The following DNAH11 variants were observed in gnomAD, a reference collection of about 807,000 sequenced individuals.
DNAH11 encodes the protein axonemal beta dynein heavy chain 11.
A neutral mutation model predicts 526.0 loss-of-function variants in DNAH11; 442 were observed. That is an observed-to-expected ratio of 0.84 (90% CI 0.78 to 0.91). DNAH11 has a LOEUF of 0.91. Ranked by LOEUF, DNAH11 falls within the 40% of genes least tolerant of loss-of-function variation. DNAH11 has a pLI of 0.00. For synonymous variants in DNAH11, 2,461 were observed against 1,935.9 expected, an observed-to-expected ratio of 1.27 and a Z score of -7.12; for missense variants, 6,989 against 5,448.7, an observed-to-expected ratio of 1.28 and a Z score of -8.90.
At chr7:21,702,673 T>C (rs750609748) in intron 36 of DNAH11, 37 bp from the exon 37 acceptor site, 2 of 1,575,890 alleles carry the variant, frequency 1.3e-6, no homozygotes, top group Admixed American at 1.7e-5. Context: ...TCTTCCCTCA[T>C]ACAATTTTTG....
intron 30 of DNAH11, among the ~76,000 whole-genome samples, chr7:21,667,043 T>C (rs1163781790): frequency 6.6e-6 from 1 of 152,136 alleles, no homozygotes; most frequent in Non-Finnish European, 1.5e-5. Context: ...ATTGCAATGG[T>C]AAGCCAATTT....
chr7:21,640,783 C>G (rs1787093410), intron 28 of DNAH11, among the ~76,000 whole-genome samples: 1 of 152,176 alleles, frequency 6.6e-6, no homozygotes, highest in Non-Finnish European at 1.5e-5. Flanking sequence ...ATTTCCATCT[C>G]ATCTCCATGT....
At chr7:21,624,110 A>G (rs921243976) in intron 25 of DNAH11, among the ~76,000 whole-genome samples, 1 of 152,108 alleles carries the variant, frequency 6.6e-6, no homozygotes, top group East Asian at 1.9e-4. Context: ...TTAAGTTGCA[A>G]CACATGAGCT....
At chr7:21,895,793 G>A (rs1459298509) in intron 79 of DNAH11, among the ~76,000 whole-genome samples, 6 of 152,078 alleles carry the variant, frequency 3.9e-5, no homozygotes, top group South Asian at 2.1e-4. Context: ...GCAGTGGCGC[G>A]ATCTCGGCTC....
chr7:21,600,052 G>C lies in DNAH11; in HGVS notation c.2933G>C (p.Cys978Ser). The part of the protein sequence containing the change: ...GFYDLVEEML[C>S]NSFRMSAQMN... Reference sequence around the variant, plus strand: ...TATGATCTTGTAGAAGAAATGTTATGCAATAGTTTTAGAATGTCTGCCCAG... The same window carrying C: ...TATGATCTTGTAGAAGAAATGTTATCCAATAGTTTTAGAATGTCTGCCCAG... The change falls in exon 15 of 82, where the codon TGC becomes TCC. Residue 978 changes from cysteine (C) to serine (S), a missense_variant. By Grantham distance (112) the Cys-to-Ser change is moderately radical. Transcript: ENST00000409508. 6.2e-7 allele frequency: 1 copy of C among 1,607,616 alleles called. No individual in the cohort carries two copies. Among genetic ancestry groups the C allele is most frequent in the Non-Finnish European group, 8.5e-7 (1 of 1,176,104 alleles).
intron 41 of DNAH11, among the ~76,000 whole-genome samples, chr7:21,710,911 A>G (rs1583617009): frequency 6.6e-6 from 1 of 152,186 alleles, no homozygotes; most frequent in Non-Finnish European, 1.5e-5. Context: ...GTTTCTTTGA[A>G]TTCAGCCACC....
chr7:21,582,729 T>A (rs948413717), intron 9 of DNAH11, among the ~76,000 whole-genome samples: 1 of 152,106 alleles, frequency 6.6e-6, no homozygotes, highest in Non-Finnish European at 1.5e-5. Context: ...AAATCAAGTA[T>A]AAATTAATAA....
In DNAH11 at chr7:21,866,655, T is replaced by C. The variant is rs993621957; in HGVS notation, c.11682T>C (p.Tyr3894=). 6.2e-7 allele frequency: 1 copy of C among 1,610,772 alleles called. No homozygotes were observed. The highest frequency in any genetic ancestry group is 8.5e-7 in the Non-Finnish European group (1 of 1,178,458). Residue 3894 remains tyrosine, a synonymous_variant, in exon 71 of 82, where the codon TAT becomes TAC. Transcript: ENST00000409508. ...CAATGCGCCCTGACAGAATGACGTA[T>C]GCTCTCAGGTGGGGTGGTCAGCATT... The part of the protein sequence containing the change: ...LRAMRPDRMT[Y]ALRNFVEEKL...
chr7:21,604,860 A>T (rs1413228788), intron 18 of DNAH11, among the ~76,000 whole-genome samples: 2 of 152,170 alleles, frequency 1.3e-5, no homozygotes, highest in African/African-American at 4.8e-5. Flanking sequence ...TGGAAATGCA[A>T]AGTGAGACTC....
chr7:21,866,334 AAG>A, intron 70 of DNAH11, 134 bp from the exon 71 acceptor site: 1 of 712,740 alleles, frequency 1.4e-6, no homozygotes. Context: ...AAAAAAAAAA[AAG>A]GAAATCTGAA....
intron 30 of DNAH11, among the ~76,000 whole-genome samples, chr7:21,668,449 C>G (rs1782508680): frequency 6.6e-6 from 1 of 152,138 alleles, no homozygotes; most frequent in African/African-American, 2.4e-5. Context: ...TGCTAGCCCT[C>G]TTTGAATATC....
chr7:21,665,147 C>G (rs180873718), intron 30 of DNAH11, among the ~76,000 whole-genome samples: 95 of 152,124 alleles, frequency 6.2e-4, no homozygotes, highest in Non-Finnish European at 1.0e-3. Context: ...CTCCCTCTCT[C>G]TCACTCCGCT....
chr7:21,591,517 G>A lies in DNAH11; in HGVS notation c.2607G>A (p.Leu869=). Residue 869 remains leucine, a synonymous_variant, in exon 14 of 82, where the codon TTG becomes TTA. Transcript: ENST00000409508. ...AAFTLEDKGD[L]FTKKYKLIQG... Reference sequence around the variant, plus strand: ...TCACCTTGGAGGACAAGGGTGATTTGTTTACAAAAAAATACAAGTTAATCC... The same window carrying A: ...TCACCTTGGAGGACAAGGGTGATTTATTTACAAAAAAATACAAGTTAATCC... 3 of 1,598,020 alleles carry A rather than the reference G, an allele frequency of 1.9e-6. No homozygotes were observed. The highest frequency in any genetic ancestry group is 2.2e-5 in the South Asian group (2 of 89,794).
intron 1 of DNAH11, among the ~76,000 whole-genome samples, chr7:21,544,324 G>T (rs1268680321): frequency 1.3e-5 from 2 of 152,198 alleles, no homozygotes; most frequent in African/African-American, 4.8e-5. Context: ...ACTAGGTGTG[G>T]TCATTGTAAT....
At chr7:21,599,654 C>G (rs1784995298) in intron 14 of DNAH11, 133 bp from the exon 15 acceptor site, 2 of 597,540 alleles carry the variant, frequency 3.3e-6, no homozygotes, top group East Asian at 3.1e-5. Context: ...GGTTCTGCAA[C>G]TTAGTATTTG....
rs1787550847 is a variant in DNAH11, at chr7:21,773,961, G to T, written c.9298G>T (p.Val3100Leu). 1 of 1,579,148 alleles carries T rather than the reference G, an allele frequency of 6.3e-7. No individual in the cohort carries two copies. The highest frequency in any genetic ancestry group is 2.3e-5 in the East Asian group (1 of 43,334). The change falls in exon 56 of 82, where the codon GTG (valine) becomes TTG (leucine). Residue 3100 changes from valine (V) to leucine (L), a missense_variant. Physicochemically the swap from Val to Leu is conservative, Grantham distance 32. Transcript: ENST00000409508. The stretch of plus-strand genomic sequence containing the variant: ...GGTATCCGAGAAAAAAGAACGCCTG[G>T]TGAACGGCATCCAAAAGCTAAAAAC... Reference protein sequence around the residue: ...NEVSEKKERLVNGIQKLKTTA... With the variant: ...NEVSEKKERLLNGIQKLKTTA...
rs373667589 is a variant in DNAH11 at position 21,842,681 on chromosome 7, A to C, written c.10829A>C (p.Asp3610Ala). 1 of 1,613,888 alleles carries C rather than the reference A, an allele frequency of 6.2e-7. No individual in the cohort carries two copies. Among genetic ancestry groups the C allele is most frequent in the Admixed American group, 1.7e-5 (1 of 59,998 alleles). The change falls in exon 66 of 82, where the codon GAT (aspartate) becomes GCT (alanine). Residue 3610 changes from aspartate (D) to alanine (A), a missense_variant. Transcript: ENST00000409508. ...TTLLNFTVTE[D>A]GLEAQLLAEV... ...CTCCTCAATTTCACAGTCACAGAAG[A>C]TGGTCTAGAAGCCCAGCTGCTGGCA...
In DNAH11 at chr7:21,561,016, A is replaced by G. The variant is rs867413301; in HGVS notation, c.883-55A>G. The G allele has an allele frequency of 3.7e-5, 45 of 1,210,612 alleles. No individual in the cohort carries two copies. In the African/African-American group the frequency reaches 5.2e-4, roughly 14 times the overall value. The allele number at this position is 1,210,612 out of a possible 1,614,324, so 75.0% of individuals were successfully genotyped here. A position where few individuals can be genotyped will look rare whatever the true frequency, so the allele number is the denominator to read the frequency against. On this transcript the variant is annotated intron_variant, in intron 4 of 81. Coordinates refer to ENST00000409508, the MANE Select transcript of DNAH11 (RefSeq NM_001277115.2). Reference sequence around the variant, plus strand: ...AAATATTTTATTACAGAATGCATGTATTTAGTAATCGAGTTTATATTTATT... The same window carrying G: ...AAATATTTTATTACAGAATGCATGTGTTTAGTAATCGAGTTTATATTTATT...
intron 14 of DNAH11, among the ~76,000 whole-genome samples, chr7:21,597,258 G>A (rs114268241): frequency 6.6e-6 from 1 of 152,086 alleles, no homozygotes; most frequent in Admixed American, 6.6e-5. Context: ...GGATCTCTTG[G>A]TATGAAAAAG....
Sources: allele counts gnomAD v4.1 joint callset (sites outside exome capture counted in the v4.1 genomes callset), GRCh38; gene constraint gnomAD v4.1.1; transcripts MANE v1.5; gene names NCBI Gene and HGNC (gene_info 2026-07-23, HGNC 2026-07-21).